FOXO3: variants seen among roughly 807,000 people sequenced by gnomAD.
FOXO3 encodes forkhead box O3, also known as forkhead box protein O3.
In FOXO3, 4 loss-of-function variants were observed where a neutral mutation model predicts 41.9. The observed-to-expected ratio is 0.10, with a 90% CI of 0.05 to 0.22. The LOEUF is 0.22. Among genes scored for constraint, FOXO3 ranks in the 10% least tolerant of loss-of-function variants. FOXO3 has a pLI of 1.00. For missense variants in FOXO3, 534 were observed against 906.8 expected (o/e 0.59, Z 5.28); for synonymous variants, 318 against 389.3 (o/e 0.82, Z 2.16).
intron 1 of FOXO3, among the ~76,000 whole-genome samples, chr6:108,604,289 C>T (rs182741178): frequency 3.9e-5 from 6 of 152,192 alleles, no homozygotes; most frequent in Admixed American, 2.0e-4. Flanking sequence ...AACGACAGTA[C>T]GCACTGTTAA....
chr6:108,656,120 C>T (rs1778679103), intron 1 of FOXO3, among the ~76,000 whole-genome samples: 1 of 148,734 alleles, frequency 6.7e-6, no homozygotes, highest in African/African-American at 2.5e-5. Context: ...CCTCCCACCC[C>T]ACCCCACCCC....
chr6:108,624,108 T>G (rs1179462671), intron 1 of FOXO3, among the ~76,000 whole-genome samples: 1 of 152,172 alleles, frequency 6.6e-6, no homozygotes, highest in Non-Finnish European at 1.5e-5. Flanking sequence ...TTTGATGTTT[T>G]CGGGATGTCC....
chr6:108,582,312 G>A (rs59248715), intron 1 of FOXO3, among the ~76,000 whole-genome samples: 39 of 152,288 alleles, frequency 2.6e-4, no homozygotes, highest in African/African-American at 9.1e-4. Flanking sequence ...ATAGAAGTAA[G>A]AGTTCCCAGC....
chr6:108,559,892 C>A (rs943636400), upstream of FOXO3: 1 of 152,366 alleles, frequency 6.6e-6, no homozygotes, highest in African/African-American at 2.4e-5. Context: ...GTTCCTCGGG[C>A]GGGCTGCGGC....
intron 1 of FOXO3, among the ~76,000 whole-genome samples, chr6:108,624,808 T>A (rs1385177562): frequency 2.6e-5 from 4 of 152,266 alleles, no homozygotes; most frequent in Non-Finnish European, 4.4e-5. Context: ...ACTTTTTTTT[T>A]ATAAAGAGTC....
At chr6:108,618,751 G>C (rs1260299566) in intron 1 of FOXO3, among the ~76,000 whole-genome samples, 1 of 152,226 alleles carries the variant, frequency 6.6e-6, no homozygotes, top group East Asian at 1.9e-4. Flanking sequence ...CTAACTTTAA[G>C]TAGTTTCCTT....
chr6:108,667,473 T>A (rs1486461401), intron 2 of FOXO3, among the ~76,000 whole-genome samples: 1 of 152,242 alleles, frequency 6.6e-6, no homozygotes, highest in Non-Finnish European at 1.5e-5. Context: ...TTCTAGTTCG[T>A]TGGAAAATAT....
chr6:108,569,981 T>G, intron 1 of FOXO3, among the ~76,000 whole-genome samples: 3 of 136,570 alleles, frequency 2.2e-5, no homozygotes, highest in Non-Finnish European at 3.1e-5. Context: ...TGTTTTCCCT[T>G]GCGTGGTTTT....
intron 1 of FOXO3, among the ~76,000 whole-genome samples, chr6:108,601,530 C>T (rs1777055095): frequency 6.6e-6 from 1 of 152,110 alleles, no homozygotes; most frequent in African/African-American, 2.4e-5. Context: ...TCTTAAACTC[C>T]CGATCTCAGG....
intron 1 of FOXO3, among the ~76,000 whole-genome samples, chr6:108,588,473 A>G (rs1370623111): frequency 6.6e-6 from 1 of 152,168 alleles, no homozygotes; most frequent in African/African-American, 2.4e-5. Context: ...CAGAAATTCA[A>G]CTGTAGTTAT....
intron 1 of FOXO3, among the ~76,000 whole-genome samples, chr6:108,580,313 C>T (rs1219976054): frequency 1.3e-5 from 2 of 151,612 alleles, no homozygotes; most frequent in Non-Finnish European, 2.9e-5. Flanking sequence ...CTCAGGCTCC[C>T]AAGTAGCTGG....
At chr6:108,653,677 T>C (rs1206668605) in intron 1 of FOXO3, among the ~76,000 whole-genome samples, 1 of 152,214 alleles carries the variant, frequency 6.6e-6, no homozygotes, top group African/African-American at 2.4e-5. Context: ...ATGAAAGTGA[T>C]GCTAAATTCT....
chr6:108,585,692 A>G (rs750190209), intron 1 of FOXO3, among the ~76,000 whole-genome samples: 3 of 152,216 alleles, frequency 2.0e-5, no homozygotes, highest in African/African-American at 7.2e-5. Flanking sequence ...TTTACCTCCC[A>G]TTAGAGTGCT....
intron 1 of FOXO3, among the ~76,000 whole-genome samples, chr6:108,579,472 C>T (rs1776350992): frequency 1.3e-5 from 2 of 152,200 alleles, no homozygotes; most frequent in Non-Finnish European, 2.9e-5. Flanking sequence ...TAACTGTGAA[C>T]AGCATTCCAA....
intron 2 of FOXO3, among the ~76,000 whole-genome samples, chr6:108,678,672 A>T (rs1225704347): frequency 6.6e-6 from 1 of 151,852 alleles, no homozygotes; most frequent in South Asian, 2.1e-4. Flanking sequence ...GGGGTGTTTT[A>T]TGGGGGATTT....
chr6:108,636,837 C>T (rs1778134011), intron 1 of FOXO3, among the ~76,000 whole-genome samples: 1 of 152,202 alleles, frequency 6.6e-6, no homozygotes, highest in Admixed American at 6.5e-5. Flanking sequence ...GCCTGATTTG[C>T]ATCCCTGGAA....
intron 1 of FOXO3, among the ~76,000 whole-genome samples, chr6:108,627,436 A>G (rs1777841791): frequency 6.6e-6 from 1 of 152,194 alleles, no homozygotes; most frequent in Non-Finnish European, 1.5e-5. Flanking sequence ...GGAATAATGC[A>G]AAAACAAACA....
At chr6:108,585,920 A>G (rs957277729) in intron 1 of FOXO3, among the ~76,000 whole-genome samples, 2 of 152,112 alleles carry the variant, frequency 1.3e-5, no homozygotes, top group African/African-American at 4.8e-5. Context: ...GTCTCCTTCA[A>G]GGGTACATGG....
intron 1 of FOXO3, among the ~76,000 whole-genome samples, chr6:108,616,666 T>C (rs527348630): frequency 6.6e-6 from 1 of 151,920 alleles, no homozygotes; most frequent in African/African-American, 2.4e-5. Context: ...CAATTTAAAG[T>C]TTGCAAATTG....
Sources: gnomAD v4.1 joint callset for allele counts (sites outside exome capture counted in the v4.1 genomes callset) on GRCh38, gnomAD v4.1.1 for gene constraint, MANE v1.5 for transcripts, NCBI Gene and HGNC (gene_info 2026-07-23, HGNC 2026-07-21) for gene names.